Variants in SYNE1 observed in about 807,000 individuals in gnomAD.
The protein encoded by SYNE1 is nesprin-1.
Under a neutral mutation model 1,111.0 loss-of-function variants are expected in SYNE1, and 616 were observed. The ratio of observed to expected loss-of-function variants is 0.55; its 90% CI spans 0.52 to 0.59. The LOEUF (loss-of-function observed/expected upper bound fraction) is 0.59. Ranked by LOEUF, SYNE1 falls within the 20% of genes least tolerant of loss-of-function variation. The pLI is 0.00. For synonymous variants in SYNE1, 3,855 were observed against 3,825.8 expected (o/e 1.01, Z -0.28); for missense variants, 10,006 against 10,417.0 (o/e 0.96, Z 1.72).
chr6:152,338,700 G>A (rs1027509146), intron 75 of SYNE1, among the ~76,000 whole-genome samples: 5 of 152,172 alleles, frequency 3.3e-5, no homozygotes, highest in Non-Finnish European at 5.9e-5. Context: ...GGCAGCAGCC[G>A]GGAAAATACG....
At chr6:152,383,184 T>C (rs2097456542) in intron 55 of SYNE1, among the ~76,000 whole-genome samples, 1 of 152,246 alleles carries the variant, frequency 6.6e-6, no homozygotes, top group African/African-American at 2.4e-5. Flanking sequence ...CCAATTTCTT[T>C]CTGCCAATTC....
intron 3 of SYNE1, among the ~76,000 whole-genome samples, chr6:152,625,449 T>C (rs2099683865): frequency 6.6e-6 from 1 of 152,246 alleles, no homozygotes; most frequent in African/African-American, 2.4e-5. Flanking sequence ...TTTCCTTTGA[T>C]GCAGGCTAGA....
At chr6:152,341,017 A>T (rs2096524929) in intron 74 of SYNE1, among the ~76,000 whole-genome samples, 1 of 152,218 alleles carries the variant, frequency 6.6e-6, no homozygotes, top group Non-Finnish European at 1.5e-5. Flanking sequence ...TTCCCAAATC[A>T]TAGAGTCAAT....
At chr6:152,155,258 T>C in intron 132 of SYNE1, 1 of 542,350 alleles carries the variant, frequency 1.8e-6, no homozygotes, top group Non-Finnish European at 3.3e-6. Context: ...AAACACGTCC[T>C]GCAACTCTGG....
chr6:152,138,821 C>T (rs530501753), intron 140 of SYNE1, among the ~76,000 whole-genome samples: 2 of 152,212 alleles, frequency 1.3e-5, no homozygotes, highest in Admixed American at 1.3e-4. Context: ...TATATTAAAG[C>T]ATTTTAGTGT....
intron 91 of SYNE1, among the ~76,000 whole-genome samples, chr6:152,303,259 G>A (rs2095263970): frequency 6.6e-6 from 1 of 151,558 alleles, no homozygotes; most frequent in South Asian, 2.1e-4. Flanking sequence ...TTCAAGACCA[G>A]CCTGGCCAAC....
intron 42 of SYNE1, 99 bp downstream of exon 42, chr6:152,413,253 T>TTTTTACC (rs1563826768): frequency 3.3e-5 from 41 of 1,251,172 alleles, no homozygotes; most frequent in Non-Finnish European, 4.1e-5. Context: ...TGGTAAAAGA[T>TTTTTACC]ATTTAACTAC....
At position 152,409,672 on chromosome 6, in the gene SYNE1, C is replaced by T; in HGVS notation, c.6268G>A (p.Glu2090Lys). 1.2e-6 allele frequency: 2 copies of T among 1,613,798 alleles called. No homozygotes were observed. Among genetic ancestry groups the T allele is most frequent in the Non-Finnish European group, 8.5e-7 (1 of 1,179,966 alleles). Residue 2090 changes from glutamate to lysine, a missense_variant, in exon 43 of 146, where the codon GAA (glutamate) becomes AAA (lysine). This residue lies in a region of SYNE1 where 4,955 missense variants were observed against 5,017.2 expected (regional missense o/e 0.99). Transcript: ENST00000367255. ...ACAGCTGATTTCAGGTTCTGATATT[C>T]TCTCATTAAGTCAATAAGTCCACAG... ...QCCGLIDLMR[E>K]YQNLKSAVSK... is the part of the protein sequence containing the mutation.
In SYNE1 at chr6:152,416,645, G is replaced by T. The variant is rs766606624; in HGVS notation, c.5792C>A (p.Ser1931Tyr). Residue 1931 changes from serine (S) to tyrosine (Y), a missense_variant, in exon 41 of 146, where the codon TCC (serine) becomes TAC (tyrosine). Coordinates refer to ENST00000367255, the MANE Select transcript of SYNE1 (RefSeq NM_182961.4). ...GATTTTCAGATGGTATTGGGCTTTG[G>T]AAAGAATGCCATCCAGACTGACGGC... is the stretch of plus-strand genomic sequence containing the variant. Reference protein sequence around the residue: ...SAAVSLDGILSKAQYHLKIGS... With the variant: ...SAAVSLDGILYKAQYHLKIGS... 1.2e-6 allele frequency: 2 copies of T among 1,614,166 alleles called. No individual in the cohort carries two copies. Among genetic ancestry groups the T allele is most frequent in the South Asian group, 2.2e-5 (2 of 91,084 alleles).
chr6:152,242,224 CT>C lies in SYNE1; in HGVS notation c.19893+15del. On this transcript the variant is annotated intron_variant, in intron 107 of 145. Coordinates refer to ENST00000367255, the MANE Select transcript of SYNE1 (RefSeq NM_182961.4). Reference sequence around the variant, plus strand: ...CCAATTACATTTTCTCTCTATCACTCTTTTTTGTTATGTACCTTATGTTTGT... The same window carrying C: ...CCAATTACATTTTCTCTCTATCACTCTTTTTGTTATGTACCTTATGTTTGT... 1 of 1,609,404 alleles carries C rather than the reference CT, an allele frequency of 6.2e-7. No homozygotes were observed. Among genetic ancestry groups the C allele is most frequent in the Non-Finnish European group, 8.5e-7 (1 of 1,175,816 alleles).
chr6:152,326,361 A>G lies in SYNE1; in HGVS notation c.15228T>C (p.Ala5076=). The G allele has an allele frequency of 6.2e-7, 1 of 1,614,168 alleles. No homozygotes were observed. Among genetic ancestry groups the G allele is most frequent in the Admixed American group, 1.7e-5 (1 of 60,016 alleles). The change falls in exon 79 of 146, where the codon GCT becomes GCC. Residue 5076 remains alanine (A), a synonymous_variant. Transcript: ENST00000367255. ...TGKEDLEQKV[A]SLELRSQRMS... Reference sequence around the variant, plus strand: ...TCCTCTGGCTCCTGAGTTCCAGAGAAGCCACTTTCTGTTCTAGGTCTTCTT... The same window carrying G: ...TCCTCTGGCTCCTGAGTTCCAGAGAGGCCACTTTCTGTTCTAGGTCTTCTT...
At chr6:152,607,657 A>G (rs551081472) in intron 3 of SYNE1, among the ~76,000 whole-genome samples, 2 of 152,304 alleles carry the variant, frequency 1.3e-5, no homozygotes, top group Admixed American at 1.3e-4. Context: ...CAGAAATACC[A>G]TTTGACCCAA....
In SYNE1 at chr6:152,236,844, C is replaced by G; in HGVS notation, c.20172G>C (p.Arg6724Ser). The change falls in exon 109 of 146, where the codon AGG becomes AGC. Residue 6724 changes from arginine (R) to serine (S), a missense_variant. Coordinates refer to ENST00000367255, the MANE Select transcript of SYNE1 (RefSeq NM_182961.4). ...GGTAGAGTGTTATGCGGTCAATAAG[C>G]CTGTCCTCGTTCTCCTCCACCAGAC... ...SVGLVEENED[R>S]LIDRITLYQH... 6.2e-7 allele frequency: 1 copy of G among 1,614,100 alleles called. No homozygotes were observed. Among genetic ancestry groups the G allele is most frequent in the Non-Finnish European group, 8.5e-7 (1 of 1,179,998 alleles).
intron 66 of SYNE1, 120 bp downstream of exon 66, chr6:152,358,253 C>T: frequency 8.3e-6 from 11 of 1,325,150 alleles, no homozygotes; most frequent in Non-Finnish European, 1.2e-5. Flanking sequence ...ATGGGGATTG[C>T]ACTTAATGTG....
chr6:152,337,536 G>A (rs532508403), intron 75 of SYNE1, among the ~76,000 whole-genome samples: 4 of 152,250 alleles, frequency 2.6e-5, no homozygotes, highest in Admixed American at 1.3e-4. Context: ...TAATACGCCC[G>A]CCTTGGCCTC....
intron 55 of SYNE1, among the ~76,000 whole-genome samples, chr6:152,382,277 A>G (rs910327545): frequency 1.3e-5 from 2 of 152,200 alleles, no homozygotes; most frequent in African/African-American, 2.4e-5. Context: ...GATTAAATAG[A>G]AATAAAAGAT....
chr6:152,560,796 T>C (rs1222998924), intron 3 of SYNE1, among the ~76,000 whole-genome samples: 1 of 152,026 alleles, frequency 6.6e-6, no homozygotes, highest in Non-Finnish European at 1.5e-5. Flanking sequence ...ACCATAATAA[T>C]AGAATGAAAG....
rs561690755 is a variant in SYNE1 at position 152,309,784 on chromosome 6, G to A, written c.17202+51C>T. 5 of 1,606,100 alleles carry A rather than the reference G, an allele frequency of 3.1e-6. No individual in the cohort carries two copies. The East Asian group carries it at 8.9e-5, about 29-fold the overall frequency. ...AGCCCACACAATGCTAAGAAAAGAA[G>A]CCCATGATTCATCAGCAATTGCTCT... On this transcript the variant is annotated intron_variant, in intron 90 of 145. Coordinates refer to ENST00000367255, the MANE Select transcript of SYNE1 (RefSeq NM_182961.4).
At chr6:152,178,056 T>G (rs919085847) in intron 129 of SYNE1, among the ~76,000 whole-genome samples, 2 of 152,060 alleles carry the variant, frequency 1.3e-5, no homozygotes, top group South Asian at 2.1e-4. Flanking sequence ...AAAAAACCCA[T>G]GAGTTATTAA....
Sources: allele counts gnomAD v4.1 joint callset (sites outside exome capture counted in the v4.1 genomes callset), GRCh38; gene constraint gnomAD v4.1.1; regional missense constraint gnomAD v4.1.1; transcripts MANE v1.5; gene names NCBI Gene and HGNC (gene_info 2026-07-23, HGNC 2026-07-21).